Variants in PCDHA2 observed in about 807,000 individuals in gnomAD.
PCDHA2 encodes the protein protocadherin alpha-2.
In PCDHA2, 58 loss-of-function variants were observed where a neutral mutation model predicts 66.0. That is an observed-to-expected ratio of 0.88 (90% CI 0.71 to 1.09). The LOEUF (loss-of-function observed/expected upper bound fraction) is 1.09, where lower values mean the gene tolerates loss of function less well. Among genes scored for constraint, PCDHA2 ranks in the 50% least tolerant of loss-of-function variants. The probability of loss-of-function intolerance (pLI) is 0.00; values close to 1 mark genes in which losing one functional copy is unlikely to be tolerated. For missense variants in PCDHA2, 1,267 were observed against 1,242.3 expected (o/e 1.02, Z -0.30); for synonymous variants, 634 against 554.0 (o/e 1.14, Z -2.03).
intron 3 of PCDHA2, chr5:140,988,770 G>A (rs1388594585): frequency 6.6e-6 from 1 of 152,168 alleles, no homozygotes; most frequent in African/African-American, 2.4e-5. Flanking sequence ...TACAGTCATG[G>A]TTAAGACCAT....
At chr5:140,829,777 G>A (rs2150174439) in intron 1 of PCDHA2, 2 of 1,613,742 alleles carry the variant, frequency 1.2e-6, no homozygotes, top group Non-Finnish European at 8.5e-7. Flanking sequence ...ACGACAACGC[G>A]CCGGCGCTGC....
chr5:140,798,714 G>A (rs1762353673), intron 1 of PCDHA2, among the ~76,000 whole-genome samples: 1 of 152,162 alleles, frequency 6.6e-6, no homozygotes, highest in Non-Finnish European at 1.5e-5. Flanking sequence ...CCTGGTCTTG[G>A]ATGACTACAT....
chr5:140,804,733 A>G (rs1763450932), intron 1 of PCDHA2: 2 of 197,406 alleles, frequency 1.0e-5, no homozygotes, highest in East Asian at 2.4e-4. Context: ...CACTACCCCT[A>G]CATATTTGGT....
rs1383347742 is a variant in PCDHA2, at chr5:140,943,271, AAAAAAAG to A, written c.2389-35674_2389-35668del. ...AGACTCTGTCTCAAAAAAAAAAAAA[AAAAAAAG>A]AAAGAAAGAATTAAATTTTGGGAAG... On this transcript the variant is annotated intron_variant, in intron 1 of 3. Transcript: ENST00000526136. Among the ~76,000 whole-genome samples, 73 of 150,734 alleles carry A rather than the reference AAAAAAAG, an allele frequency of 4.8e-4. 1 individual carries two copies. The highest frequency in any genetic ancestry group is 1.6e-3 in the African/African-American group (65 of 40,848).
chr5:140,824,610 GT>G (rs2150135229), intron 1 of PCDHA2: 1,308 of 95,098 alleles, frequency 0.014, 8 homozygotes, highest in East Asian at 0.019. Flanking sequence ...GCTAATTAAA[GT>G]TTTTTTTTTT....
In PCDHA2 at chr5:140,807,615, C is replaced by T. The variant is rs781997820; in HGVS notation, c.2388+10263C>T. ...GCAACACAAAAGAACCTGTCCATCG[C>T]GGAATCCAGGCCGCTTGACTCTCGG... On this transcript the variant is annotated intron_variant, in intron 1 of 3. Transcript: ENST00000526136. 6.2e-6 allele frequency: 10 copies of T among 1,614,038 alleles called. No homozygotes were observed. In the East Asian group the frequency reaches 6.7e-5, roughly 11 times the overall value.
At chr5:140,851,779 T>A in intron 1 of PCDHA2, 1 of 965,446 alleles carries the variant, frequency 1.0e-6, no homozygotes, top group South Asian at 4.8e-5. Flanking sequence ...TGAATTTAGA[T>A]GAGAATTCAC....
In PCDHA2 at chr5:140,857,592, A is replaced by G. The variant is rs782473553; in HGVS notation, c.2388+60240A>G. On this transcript the variant is annotated intron_variant, in intron 1 of 3. Coordinates refer to ENST00000526136, the MANE Select transcript of PCDHA2 (RefSeq NM_018905.3). ...GTGTCGGTGCACGCGGAGAGCGGCA[A>G]GGTGTACGCGCTGCAGCCGCTGGAC... 5 of 1,596,098 alleles carry G rather than the reference A, an allele frequency of 3.1e-6. No individual in the cohort carries two copies. In the African/African-American group the frequency reaches 6.7e-5, roughly 21 times the overall value.
intron 1 of PCDHA2, among the ~76,000 whole-genome samples, chr5:140,931,683 A>C (rs1482331530): frequency 6.6e-6 from 1 of 151,950 alleles, no homozygotes; most frequent in Non-Finnish European, 1.5e-5. Flanking sequence ...AAATAAATGA[A>C]TTGTGATTCA....
chr5:140,821,632 A>C, intron 1 of PCDHA2: 7 of 971,634 alleles, frequency 7.2e-6, no homozygotes, highest in Non-Finnish European at 1.0e-5. Flanking sequence ...TTAGACAGAA[A>C]GGAAAAGAAC....
chr5:140,829,635 G>A, intron 1 of PCDHA2: 1 of 1,612,310 alleles, frequency 6.2e-7, no homozygotes, highest in Non-Finnish European at 8.5e-7. Flanking sequence ...GCGGAGAGCG[G>A]CAAGGTGTAC....
intron 1 of PCDHA2, chr5:140,882,798 A>AT: frequency 6.2e-7 from 1 of 1,614,236 alleles, no homozygotes; most frequent in Non-Finnish European, 8.5e-7. Flanking sequence ...CCCAACGATT[A>AT]TTTCACTTTG....
rs531269900 is a variant in PCDHA2, at chr5:140,802,701, C to A, written c.2388+5349C>A. ...GCTGGTGGAACGGCGGGTGGGGGAGCGCGCGCTGTCGAGCTACGTGTCGGT... is the reference window on the plus strand; with the variant it reads ...GCTGGTGGAACGGCGGGTGGGGGAGAGCGCGCTGTCGAGCTACGTGTCGGT... On this transcript the variant is annotated intron_variant, in intron 1 of 3. Coordinates refer to ENST00000526136, the MANE Select transcript of PCDHA2 (RefSeq NM_018905.3). 6.2e-6 allele frequency: 10 copies of A among 1,612,220 alleles called. No individual in the cohort carries two copies. Among genetic ancestry groups the A allele is most frequent in the African/African-American group, 1.3e-5 (1 of 74,890 alleles).
intron 1 of PCDHA2, chr5:140,828,427 G>A: frequency 6.2e-7 from 1 of 1,614,282 alleles, no homozygotes; most frequent in Non-Finnish European, 8.5e-7. Context: ...TCGTGGACAG[G>A]CCGCTGCAGG....
At position 140,796,485 on chromosome 5, in the gene PCDHA2, C is replaced by T. The variant is rs1762090999; in HGVS notation, c.1521C>T (p.Tyr507=). ...TGGGCGAGCGCGCGTTGTCGAGCTA[C>T]GTTTCGGTGCACGCGGAGAGCGGCA... ...RRVGERALSS[Y]VSVHAESGKV... is the part of the protein sequence containing the mutation. The change falls in exon 1 of 4, where the codon TAC becomes TAT. Residue 507 remains tyrosine, a synonymous_variant. Coordinates refer to ENST00000526136, the MANE Select transcript of PCDHA2 (RefSeq NM_018905.3). 4 of 1,612,184 alleles carry T rather than the reference C, an allele frequency of 2.5e-6. No individual in the cohort carries two copies. Among genetic ancestry groups the T allele is most frequent in the Non-Finnish European group, 2.5e-6 (3 of 1,179,840 alleles).
At chr5:140,856,678 G>A in intron 1 of PCDHA2, 5 of 1,597,744 alleles carry the variant, frequency 3.1e-6, no homozygotes, top group Non-Finnish European at 4.3e-6. Flanking sequence ...TAAAGTTGTT[G>A]TTGACAGCAA....
chr5:140,980,259 G>T (rs1200649581), intron 2 of PCDHA2, among the ~76,000 whole-genome samples: 1 of 152,192 alleles, frequency 6.6e-6, no homozygotes. Flanking sequence ...TAAAAGCATG[G>T]TTTACAGTAC....
chr5:140,820,048 A>G (rs1464313684), intron 1 of PCDHA2, among the ~76,000 whole-genome samples: 1 of 151,984 alleles, frequency 6.6e-6, no homozygotes, highest in Non-Finnish European at 1.5e-5. Context: ...TTACTGTTAT[A>G]TAATAGAAAG....
intron 1 of PCDHA2, chr5:140,860,225 A>ATATATAT (rs2046281831): frequency 6.6e-6 from 1 of 151,528 alleles, no homozygotes. Context: ...ATGTATATAT[A>ATATATAT]AGCCAGGCAT....
Sources: allele counts gnomAD v4.1 joint callset (sites outside exome capture counted in the v4.1 genomes callset), GRCh38; gene constraint gnomAD v4.1.1; transcripts MANE v1.5; gene names NCBI Gene and HGNC (gene_info 2026-07-23, HGNC 2026-07-21).